Variants in APLF observed in about 807,000 individuals in gnomAD.
The protein encoded by APLF is aprataxin and PNK-like factor.
A neutral mutation model predicts 55.6 loss-of-function variants in APLF; 61 were observed. That is an observed-to-expected ratio of 1.10 (90% CI 0.89 to 1.36). The LOEUF is 1.36. Ranked by LOEUF, APLF falls within the 40% of genes most tolerant of loss-of-function variation. APLF has a pLI of 0.00. For missense variants in APLF, 611 were observed against 602.5 expected (o/e 1.01, Z -0.15); for synonymous variants, 207 against 214.8 (o/e 0.96, Z 0.32).
chr2:68,567,304 T>C (rs759458800), intron 8 of APLF, 37 bp from the exon 9 acceptor site: 20 of 1,574,832 alleles, frequency 1.3e-5, no homozygotes, highest in Non-Finnish European at 1.7e-5. Context: ...TTTTAGTAAT[T>C]GGAAGACTAG....
At chr2:68,511,381 G>A (rs1677045736) in intron 3 of APLF, among the ~76,000 whole-genome samples, 2 of 151,664 alleles carry the variant, frequency 1.3e-5, no homozygotes, top group South Asian at 2.1e-4. Context: ...TTAAATAAAT[G>A]TGTAGTAGAA....
chr2:68,480,457 C>T (rs771629880), intron 1 of APLF, among the ~76,000 whole-genome samples: 38 of 152,012 alleles, frequency 2.5e-4, no homozygotes, highest in Non-Finnish European at 5.0e-4. Context: ...GCGCCCACCA[C>T]CATGTGCAGC....
chr2:68,544,680 G>C (rs1278616155), intron 7 of APLF, among the ~76,000 whole-genome samples: 1 of 151,978 alleles, frequency 6.6e-6, no homozygotes, highest in African/African-American at 2.4e-5. Context: ...AGAGTCTTGA[G>C]ACCGAAAAGT....
chr2:68,503,856 G>T (rs577527754), intron 3 of APLF, among the ~76,000 whole-genome samples: 1 of 152,098 alleles, frequency 6.6e-6, no homozygotes, highest in East Asian at 1.9e-4. Context: ...AGAACTAGAA[G>T]TCAGTGAAAT....
chr2:68,523,481 A>G (rs1266059765), intron 5 of APLF, among the ~76,000 whole-genome samples: 2 of 152,006 alleles, frequency 1.3e-5, no homozygotes, highest in Non-Finnish European at 2.9e-5. Context: ...TTAGTCCTGT[A>G]TATGTTTATG....
intron 8 of APLF, chr2:68,563,464 A>C (rs1016748961): frequency 3.0e-6 from 2 of 668,726 alleles, no homozygotes; most frequent in Admixed American, 6.3e-5. Flanking sequence ...GTTTTCCAGG[A>C]TAATAGAGAA....
In APLF at chr2:68,538,015, TAAA is replaced by T. The variant is rs1347130074; in HGVS notation, c.949_951del (p.Lys317del). ...AAATTGCCACTAAAAGAACACCACA[TAAA>T]GAAGATGAGGCAATGAGCTGTTCTG... On this transcript the variant is annotated inframe_deletion, in exon 7 of 10. Coordinates refer to ENST00000303795, the MANE Select transcript of APLF (RefSeq NM_173545.3). 1.2e-6 allele frequency: 2 copies of T among 1,613,894 alleles called. No homozygotes were observed. The highest frequency in any genetic ancestry group is 2.7e-5 in the African/African-American group (2 of 74,896).
At chr2:68,510,528 G>A (rs1244913846) in intron 3 of APLF, among the ~76,000 whole-genome samples, 2 of 151,756 alleles carry the variant, frequency 1.3e-5, no homozygotes, top group East Asian at 1.9e-4. Flanking sequence ...ATAATAACAA[G>A]TGTTGGTGAG....
intron 6 of APLF, among the ~76,000 whole-genome samples, chr2:68,537,277 C>T (rs1206819011): frequency 6.7e-6 from 1 of 150,112 alleles, no homozygotes; most frequent in Non-Finnish European, 1.5e-5. Context: ...AATGTCTTCT[C>T]TTATATTTTA....
intron 6 of APLF, chr2:68,528,521 GGTGGAGA>G: frequency 6.5e-7 from 1 of 1,533,926 alleles, no homozygotes; most frequent in Non-Finnish European, 8.7e-7. Flanking sequence ...GGCAGCTCTG[GGTGGAGA>G]AGACCTACTT....
At chr2:68,500,132 T>C (rs1676676621) in intron 2 of APLF, among the ~76,000 whole-genome samples, 1 of 152,350 alleles carries the variant, frequency 6.6e-6, no homozygotes, top group African/African-American at 2.4e-5. Context: ...TTTTTGGACT[T>C]CATGTACGTA....
chr2:68,570,546 T>G (rs1468493704), intron 9 of APLF, among the ~76,000 whole-genome samples: 7 of 152,000 alleles, frequency 4.6e-5, no homozygotes, highest in Non-Finnish European at 1.0e-4. Context: ...ATGTGGTGTT[T>G]GGTTTTTTGT....
At chr2:68,498,147 A>G (rs1194592579) in intron 2 of APLF, among the ~76,000 whole-genome samples, 1 of 152,202 alleles carries the variant, frequency 6.6e-6, no homozygotes, top group Non-Finnish European at 1.5e-5. Context: ...CTTCTAGTTC[A>G]TTCATTTTAT....
intron 1 of APLF, among the ~76,000 whole-genome samples, chr2:68,479,688 A>G (rs1282755234): frequency 6.6e-6 from 1 of 152,208 alleles, no homozygotes; most frequent in African/African-American, 2.4e-5. Context: ...GTGGAATAAG[A>G]TTGGAACTGT....
At chr2:68,574,997 C>T (rs1671583364) in intron 9 of APLF, among the ~76,000 whole-genome samples, 1 of 152,186 alleles carries the variant, frequency 6.6e-6, no homozygotes, top group African/African-American at 2.4e-5. Context: ...GCTAAGGACA[C>T]AGTAGAAACA....
chr2:68,508,538 C>G (rs1363400457), intron 3 of APLF, among the ~76,000 whole-genome samples: 1 of 151,732 alleles, frequency 6.6e-6, no homozygotes, highest in Admixed American at 6.6e-5. Flanking sequence ...ATCTTTGTGA[C>G]CTTGCATTAG....
In APLF at chr2:68,529,424, C is replaced by A; in HGVS notation, c.804+3182C>A. On this transcript the variant is annotated intron_variant, in intron 6 of 9. Coordinates refer to ENST00000303795, the MANE Select transcript of APLF (RefSeq NM_173545.3). This position sits in a 1 kb window ranked among gnomAD's most constrained non-coding sequence, Gnocchi z 4.4. ...TTGCCGATGGCATGGCCAGGACCTG[C>A]GGCGGAACCAGGAACAAAATACGCT... 1 of 1,215,738 alleles carries A rather than the reference C, an allele frequency of 8.2e-7. No homozygotes were observed. The highest frequency in any genetic ancestry group is 1.0e-6 in the Non-Finnish European group (1 of 975,096). The allele number at this position is 1,215,738 out of a possible 1,614,324, so 75.3% of individuals were successfully genotyped here. A position where few individuals can be genotyped will look rare whatever the true frequency, so the allele number is the denominator to read the frequency against.
chr2:68,493,586 T>C lies in APLF; in HGVS notation c.168+3325T>C, dbSNP rs567594562. 3.9e-5 allele frequency among the ~76,000 whole-genome samples: 6 copies of C among 152,296 alleles called. No homozygotes were observed. In the East Asian group the frequency reaches 7.7e-4, roughly 20 times the overall value. On this transcript the variant is annotated intron_variant, in intron 2 of 9. Coordinates refer to ENST00000303795, the MANE Select transcript of APLF (RefSeq NM_173545.3). ...GATAACTACAACAGGGAGAAGATATTTGAAACACATGTAATTGGAACACGT... is the reference window on the plus strand; with the variant it reads ...GATAACTACAACAGGGAGAAGATATCTGAAACACATGTAATTGGAACACGT...
chr2:68,520,204 T>C (rs1029863515), intron 5 of APLF, among the ~76,000 whole-genome samples: 1 of 152,044 alleles, frequency 6.6e-6, no homozygotes, highest in Non-Finnish European at 1.5e-5. Flanking sequence ...TCTTGTAGAT[T>C]CTGGATATTA....
Sources: allele counts gnomAD v4.1 joint callset (sites outside exome capture counted in the v4.1 genomes callset), GRCh38; gene constraint gnomAD v4.1.1; non-coding constraint Gnocchi (gnomAD v3.1); transcripts MANE v1.5; gene names NCBI Gene and HGNC (gene_info 2026-07-23, HGNC 2026-07-21).